The following PRKX variants were observed in gnomAD, a reference collection of about 807,000 sequenced individuals.
PRKX encodes the protein cAMP-dependent protein kinase catalytic subunit PRKX.
In PRKX, 12 loss-of-function variants were observed where a neutral mutation model predicts 22.0. That is an observed-to-expected ratio of 0.54 (90% CI 0.35 to 0.88). The LOEUF (loss-of-function observed/expected upper bound fraction) is 0.88, where lower values mean the gene tolerates loss of function less well. Among genes scored for constraint, PRKX ranks in the 40% least tolerant of loss-of-function variants. The pLI is 0.01. For synonymous variants in PRKX, 134 were observed against 137.7 expected (o/e 0.97, Z 0.19); for missense variants, 217 against 308.0 (o/e 0.70, Z 2.21).
chrX:3,697,882 G>A (rs749678597), intron 1 of PRKX, among the ~76,000 whole-genome samples: 4 of 111,609 alleles, frequency 3.6e-5, no homozygotes, highest in Non-Finnish European at 5.6e-5. Context: ...ACACAGTCTG[G>A]GAACCCCAGC....
chrX:3,673,229 G>A (rs1185180541), intron 2 of PRKX, among the ~76,000 whole-genome samples: 2 of 110,841 alleles, frequency 1.8e-5, no homozygotes, highest in African/African-American at 6.6e-5. Flanking sequence ...GGGAAGTGAA[G>A]GACAATGATG....
intron 2 of PRKX, among the ~76,000 whole-genome samples, chrX:3,670,997 C>G (rs1569056313): frequency 9.0e-6 from 1 of 111,416 alleles, no homozygotes; most frequent in Non-Finnish European, 1.9e-5. Context: ...GTTTTCTGCA[C>G]TATTTCAAAA....
chrX:3,666,729 G>A (rs1339584225), intron 2 of PRKX, among the ~76,000 whole-genome samples: 16 of 109,995 alleles, frequency 1.5e-4, no homozygotes, highest in Middle Eastern at 9.3e-3. Context: ...GCAACACAGC[G>A]AGACCCTGTC....
At chrX:3,709,331 T>C (rs1928744364) in intron 1 of PRKX, among the ~76,000 whole-genome samples, 1 of 111,304 alleles carries the variant, frequency 9.0e-6, no homozygotes, top group African/African-American at 3.3e-5. Flanking sequence ...AGACTCCAGG[T>C]ACTGTTTTTG....
chrX:3,609,637 T>C (rs1201193607), intron 8 of PRKX, among the ~76,000 whole-genome samples: 1 of 106,044 alleles, frequency 9.4e-6, no homozygotes, highest in East Asian at 2.8e-4. Flanking sequence ...TTATTTTTTG[T>C]AGAGATGGGG....
intron 3 of PRKX, among the ~76,000 whole-genome samples, chrX:3,644,631 C>T (rs866602295): frequency 9.0e-6 from 1 of 110,944 alleles, no homozygotes; most frequent in African/African-American, 3.3e-5. Context: ...GTACAATGCG[C>T]ACTATTTTAG....
At position 3,689,072 on chromosome X, in the gene PRKX, A is replaced by G. The variant is rs183954026; in HGVS notation, c.167-14306T>C. On this transcript the variant is annotated intron_variant, in intron 1 of 8. Transcript: ENST00000262848. ...CTCACCTTTTAAAATTTATGACTAT[A>G]GAAATAGTTCATCAACATAGGTTCA... Among the ~76,000 whole-genome samples the G allele has an allele frequency of 1.8e-4, 20 of 112,465 alleles. No individual in the cohort carries two copies. The Middle Eastern group carries it at 0.014, about 78-fold the overall frequency.
chrX:3,648,236 G>C (rs1241707054), intron 3 of PRKX, among the ~76,000 whole-genome samples: 2 of 111,350 alleles, frequency 1.8e-5, no homozygotes, highest in Middle Eastern at 4.2e-3. Context: ...ATCCAGCTCT[G>C]CTACGGTAGC....
chrX:3,708,979 C>T (rs1928735008), intron 1 of PRKX, among the ~76,000 whole-genome samples: 1 of 109,879 alleles, frequency 9.1e-6, no homozygotes, highest in South Asian at 3.9e-4. Flanking sequence ...GAACTCTACA[C>T]ACACACTCGC....
At chrX:3,666,132 T>A (rs1927721604) in intron 2 of PRKX, among the ~76,000 whole-genome samples, 1 of 102,621 alleles carries the variant, frequency 9.7e-6, no homozygotes, top group South Asian at 4.8e-4. Flanking sequence ...TGCCTCAGCC[T>A]CCCGAGTAGT....
In PRKX at chrX:3,605,053, ACACACACC is replaced by A. The variant is rs1926136828; in HGVS notation, c.*3908_*3915del. ...CACACACACACACACACACACACAC[ACACACACC>A]CCGCAAAGAAACTATCCAAATGCAT... On this transcript the variant is annotated 3_prime_UTR_variant, in exon 9 of 9. Coordinates refer to ENST00000262848, the MANE Select transcript of PRKX (RefSeq NM_005044.5). 1.3e-5 allele frequency: 1 copy of A among 76,083 alleles called. No individual in the cohort carries two copies. The highest frequency in any genetic ancestry group is 2.8e-5 in the Non-Finnish European group (1 of 35,196). 6.3% of individuals were successfully genotyped at this position (76,083 alleles called of 1,213,427 possible).
rs1926158937 is a variant in PRKX at position 3,605,845 on chromosome X, GCTT to G, written c.*3121_*3123del. 1.8e-5 allele frequency: 2 copies of G among 112,141 alleles called. No individual in the cohort carries two copies. The highest frequency in any genetic ancestry group is 3.8e-5 in the Non-Finnish European group (2 of 53,247). The allele number at this position is 112,141 out of a possible 1,213,427, so 9.2% of individuals were successfully genotyped here. ...CTTACCCCACTGCTGGGGGGTTTCT[GCTT>G]CTTATTCTATCATGCTGACAGCAAA... is the stretch of plus-strand genomic sequence containing the variant. On this transcript the variant is annotated 3_prime_UTR_variant, in exon 9 of 9. Coordinates refer to ENST00000262848, the MANE Select transcript of PRKX (RefSeq NM_005044.5).
chrX:3,616,406 G>A (rs944591171), intron 6 of PRKX, among the ~76,000 whole-genome samples: 6 of 111,411 alleles, frequency 5.4e-5, no homozygotes, highest in African/African-American at 2.0e-4. Flanking sequence ...TTAACAAGGT[G>A]CGTTCAAGTC....
chrX:3,677,504 T>G lies in PRKX; in HGVS notation c.167-2738A>C, dbSNP rs1331612060. On this transcript the variant is annotated intron_variant, in intron 1 of 8. Transcript: ENST00000262848. ...ACCAAGGGCGGATAATTTTTTAAATTGTGACTGGGTATTTTTGACTGGTTT... is the reference window on the plus strand; with the variant it reads ...ACCAAGGGCGGATAATTTTTTAAATGGTGACTGGGTATTTTTGACTGGTTT... Among the ~76,000 whole-genome samples, 3 of 108,932 alleles carry G rather than the reference T, an allele frequency of 2.8e-5. No individual in the cohort carries two copies. In the Admixed American group the frequency reaches 3.0e-4, roughly 11 times the overall value. 94.6% of individuals were successfully genotyped at this position (108,932 alleles called of 115,157 possible). A position where few individuals can be genotyped will look rare whatever the true frequency, so the allele number is the denominator to read the frequency against.
At chrX:3,701,424 C>T (rs2146611914) in intron 1 of PRKX, among the ~76,000 whole-genome samples, 1 of 112,622 alleles carries the variant, frequency 8.9e-6, no homozygotes, top group South Asian at 3.6e-4. Context: ...CTGAAGGTGT[C>T]ATTGTAAACA....
chrX:3,706,672 C>T (rs1464527084), intron 1 of PRKX, among the ~76,000 whole-genome samples: 3 of 112,051 alleles, frequency 2.7e-5, no homozygotes, highest in Admixed American at 9.5e-5. Context: ...GAGAGTTTAA[C>T]GTCTCCCTTC....
chrX:3,607,979 T>C lies in PRKX; in HGVS notation c.*990A>G, dbSNP rs191361351. The stretch of plus-strand genomic sequence containing the variant: ...CACTGCGGCCTGGACCTCCCCAGGC[T>C]CAAGTGATCCTCTCATCTCAGCCTC... On this transcript the variant is annotated 3_prime_UTR_variant, in exon 9 of 9. Coordinates refer to ENST00000262848, the MANE Select transcript of PRKX (RefSeq NM_005044.5). 1 of 101,305 alleles carries C rather than the reference T, an allele frequency of 9.9e-6. No individual in the cohort carries two copies. Among genetic ancestry groups the C allele is most frequent in the East Asian group, 3.3e-4 (1 of 3,073 alleles). 8.3% of individuals were successfully genotyped at this position (101,305 alleles called of 1,213,427 possible). A position where few individuals can be genotyped will look rare whatever the true frequency, so the allele number is the denominator to read the frequency against.
At chrX:3,712,073 C>T (rs990520764) in intron 1 of PRKX, among the ~76,000 whole-genome samples, 9 of 111,662 alleles carry the variant, frequency 8.1e-5, no homozygotes, top group Non-Finnish European at 1.5e-4. Flanking sequence ...TGGCTATGCC[C>T]GCTGGTCTTC....
chrX:3,662,144 A>G (rs1927607932), intron 2 of PRKX, among the ~76,000 whole-genome samples: 1 of 111,564 alleles, frequency 9.0e-6, no homozygotes, highest in Non-Finnish European at 1.9e-5. Flanking sequence ...CAGACATTAC[A>G]TAGTAAACTT....
Sources: gnomAD v4.1 joint callset for allele counts (sites outside exome capture counted in the v4.1 genomes callset) on GRCh38, gnomAD v4.1.1 for gene constraint, MANE v1.5 for transcripts, NCBI Gene and HGNC (gene_info 2026-07-23, HGNC 2026-07-21) for gene names.